Variants in SAMD5 observed in about 807,000 individuals in gnomAD.
SAMD5 encodes the protein sterile alpha motif domain containing 5.
SAMD5 carries 13 observed loss-of-function variants against 11.3 expected under a neutral mutation model. That is an observed-to-expected ratio of 1.15 (90% CI 0.75 to 1.83). The LOEUF is 1.83. SAMD5 is among the 40% of genes most tolerant of loss of function. The pLI is 0.00. For synonymous variants in SAMD5, 129 were observed against 111.3 expected, an observed-to-expected ratio of 1.16 and a Z score of -1.00; for missense variants, 255 against 239.1, an observed-to-expected ratio of 1.07 and a Z score of -0.44.
At chr6:147,889,397 A>T in the SAMD5 span, among the ~76,000 whole-genome samples, 2 of 152,282 alleles carry the variant, frequency 1.3e-5, no homozygotes, top group African/African-American at 4.8e-5. Flanking sequence ...TGAACACACA[A>T]AAGACAGTTG....
In SAMD5 at chr6:147,566,718, A is replaced by G. The variant is rs183612268; in HGVS notation, c.*2262A>G. The G allele has an allele frequency of 1.9e-5, 19 of 985,390 alleles. No homozygotes were observed. The highest frequency in any genetic ancestry group is 6.1e-5 in the Admixed American group (1 of 16,292). The allele number at this position is 985,390 out of a possible 1,614,324, so 61.0% of individuals were successfully genotyped here. Reference sequence around the variant, plus strand: ...GAGTCACAGTCAGCAAAAAAAGCCAATGGATTTTAAAAAGACATCTTAGTT... The same window carrying G: ...GAGTCACAGTCAGCAAAAAAAGCCAGTGGATTTTAAAAAGACATCTTAGTT... On this transcript the variant is annotated 3_prime_UTR_variant, in exon 2 of 2. Transcript: ENST00000367474.
At chr6:147,751,583 G>A in the SAMD5 span, among the ~76,000 whole-genome samples, 1 of 152,150 alleles carries the variant, frequency 6.6e-6, no homozygotes, top group Non-Finnish European at 1.5e-5. Flanking sequence ...CATGCCGAAG[G>A]CTCGTAGTTC....
chr6:147,588,979 A>G (rs927481247), intron 1 of SAMD5, among the ~76,000 whole-genome samples: 3 of 151,708 alleles, frequency 2.0e-5, no homozygotes, highest in African/African-American at 7.3e-5. Context: ...TTATTATGAG[A>G]TGAGGTCTCG....
chr6:147,872,294 T>A, the SAMD5 span, among the ~76,000 whole-genome samples: 1 of 151,958 alleles, frequency 6.6e-6, no homozygotes, highest in African/African-American at 2.4e-5. Context: ...GATGGGGTCT[T>A]GCTCTGTTGT....
In SAMD5 at chr6:147,567,048, G is replaced by T. The variant is rs1789053037; in HGVS notation, c.*2592G>T. The stretch of plus-strand genomic sequence containing the variant: ...ATTTACATTTCCTAGAGTATTAAAA[G>T]AGATTAATTACAGACTTTCACTTGA... On this transcript the variant is annotated 3_prime_UTR_variant, in exon 2 of 2. Transcript: ENST00000367474. 1 of 947,072 alleles carries T rather than the reference G, an allele frequency of 1.1e-6. No individual in the cohort carries two copies. The highest frequency in any genetic ancestry group is 1.8e-5 in the African/African-American group (1 of 56,394). 58.7% of individuals were successfully genotyped at this position (947,072 alleles called of 1,614,324 possible).
intron 1 of SAMD5, among the ~76,000 whole-genome samples, chr6:147,534,718 C>G (rs1788481984): frequency 6.6e-6 from 1 of 152,162 alleles, no homozygotes; most frequent in Non-Finnish European, 1.5e-5. Context: ...TTGGTGCCAG[C>G]TGATCCATCA....
At chr6:147,540,143 A>G (rs1788576623) in intron 1 of SAMD5, among the ~76,000 whole-genome samples, 1 of 152,110 alleles carries the variant, frequency 6.6e-6, no homozygotes, top group Non-Finnish European at 1.5e-5. Context: ...GTTTAGAGAA[A>G]GGAAAATTTA....
intron 1 of SAMD5, among the ~76,000 whole-genome samples, chr6:147,649,790 CA>C (rs34595414): frequency 0.46 from 49,085 of 106,124 alleles, 8,775 homozygotes; most frequent in East Asian, 0.59. Flanking sequence ...GACAACGTCT[CA>C]AAAAAAAAAA....
the SAMD5 span, among the ~76,000 whole-genome samples, chr6:147,896,141 C>T: frequency 3.3e-5 from 5 of 152,176 alleles, no homozygotes; most frequent in African/African-American, 7.2e-5. Flanking sequence ...TTGCTATTTT[C>T]CTGTTACTTT....
chr6:147,731,626 A>C (rs1357285035), intron 1 of SAMD5, among the ~76,000 whole-genome samples: 33 of 117,704 alleles, frequency 2.8e-4, no homozygotes, highest in African/African-American at 5.1e-4. Context: ...TTAACACTTT[A>C]CCCTCTCTTT....
At chr6:147,573,264 G>T (rs538324482), downstream of SAMD5, among the ~76,000 whole-genome samples, 5,808 of 152,210 alleles carry the variant, frequency 0.038, 138 homozygotes, top group African/African-American at 0.057. Context: ...AAAGGAAAGT[G>T]GTTTAATTGA....
intron 1 of SAMD5, among the ~76,000 whole-genome samples, chr6:147,549,931 A>G (rs1452170960): frequency 1.3e-5 from 2 of 151,146 alleles, no homozygotes; most frequent in Admixed American, 6.6e-5. Flanking sequence ...TTAATCCTCT[A>G]TCAACCGGCT....
At chr6:147,520,788 T>C (rs553597191) in intron 1 of SAMD5, among the ~76,000 whole-genome samples, 7 of 152,152 alleles carry the variant, frequency 4.6e-5, no homozygotes, top group African/African-American at 1.7e-4. Context: ...CAGTGTGATG[T>C]TTTGATATAT....
At chr6:147,833,162 T>C in the SAMD5 span, among the ~76,000 whole-genome samples, 1 of 152,362 alleles carries the variant, frequency 6.6e-6, no homozygotes, top group South Asian at 2.1e-4. Flanking sequence ...GTAGAACTCA[T>C]TGGCCATTCA....
At chr6:147,647,192 G>A (rs896875172) in intron 1 of SAMD5, among the ~76,000 whole-genome samples, 1 of 151,860 alleles carries the variant, frequency 6.6e-6, no homozygotes, top group African/African-American at 2.4e-5. Context: ...ATAAAGAATA[G>A]AAAATACATT....
the SAMD5 span, among the ~76,000 whole-genome samples, chr6:147,843,127 G>A: frequency 2.0e-5 from 3 of 152,182 alleles, no homozygotes; most frequent in Admixed American, 2.0e-4. Flanking sequence ...GCCTCCCAAA[G>A]TGCTGGGATT....
intron 1 of SAMD5, among the ~76,000 whole-genome samples, chr6:147,727,215 A>G (rs913991103): frequency 5.9e-5 from 9 of 152,182 alleles, no homozygotes. Flanking sequence ...CAGATCATGC[A>G]GTTGCACAAA....
the SAMD5 span, among the ~76,000 whole-genome samples, chr6:147,888,215 C>T: frequency 3.9e-5 from 6 of 152,022 alleles, no homozygotes; most frequent in Admixed American, 6.6e-5. Flanking sequence ...TCTAGGAAAA[C>T]ATTGCCTCAC....
chr6:147,609,236 T>C (rs1388200197), intron 1 of SAMD5, among the ~76,000 whole-genome samples: 2 of 152,154 alleles, frequency 1.3e-5, no homozygotes, highest in Non-Finnish European at 2.9e-5. Flanking sequence ...ATGACTTGTG[T>C]CCTCATAAAA....
Sources: allele counts gnomAD v4.1 joint callset (sites outside exome capture counted in the v4.1 genomes callset), GRCh38; gene constraint gnomAD v4.1.1; transcripts MANE v1.5; gene names NCBI Gene and HGNC (gene_info 2026-07-23, HGNC 2026-07-21).